TRPC5: variants seen among roughly 807,000 people sequenced by gnomAD.
The protein encoded by TRPC5 is transient receptor potential cation channel subfamily C member 5, also known as short transient receptor potential channel 5.
Under a neutral mutation model 56.5 loss-of-function variants are expected in TRPC5, and 9 were observed. That is an observed-to-expected ratio of 0.16 (90% CI 0.10 to 0.28). The LOEUF (loss-of-function observed/expected upper bound fraction) is 0.28. TRPC5 is among the 10% of genes least tolerant of loss of function. TRPC5 has a pLI of 1.00. For synonymous variants in TRPC5, 282 were observed against 278.5 expected, an observed-to-expected ratio of 1.01 and a Z score of -0.13; for missense variants, 469 against 748.9, an observed-to-expected ratio of 0.63 and a Z score of 4.36.
intron 7 of TRPC5, among the ~76,000 whole-genome samples, chrX:111,804,088 C>T (rs1277727261): frequency 1.8e-5 from 2 of 112,151 alleles, no homozygotes; most frequent in African/African-American, 3.2e-5. Context: ...GTTTTCCCAG[C>T]ACCATTTATT....
chrX:111,993,862 C>T (rs1305948089), intron 1 of TRPC5, among the ~76,000 whole-genome samples: 2 of 111,947 alleles, frequency 1.8e-5, no homozygotes, highest in African/African-American at 6.5e-5. Context: ...TGCCTGTTCA[C>T]TCTGATGGTA....
intron 7 of TRPC5, among the ~76,000 whole-genome samples, chrX:111,784,438 G>C (rs190167603): frequency 8.9e-6 from 1 of 111,897 alleles, no homozygotes; most frequent in East Asian, 2.8e-4. Context: ...GAATAATTAT[G>C]GGGGAGTGGG....
chrX:112,017,703 T>G (rs1929165935), intron 1 of TRPC5, among the ~76,000 whole-genome samples: 1 of 111,574 alleles, frequency 9.0e-6, no homozygotes, highest in Non-Finnish European at 1.9e-5. Flanking sequence ...GCGTCTGAAA[T>G]ACTTGTGTTT....
chrX:111,778,762 T>TA (rs1404471171), intron 10 of TRPC5, among the ~76,000 whole-genome samples: 4 of 111,922 alleles, frequency 3.6e-5, no homozygotes, highest in African/African-American at 1.3e-4. Context: ...AAAGAATGCA[T>TA]ACAGCAGATT....
chrX:111,895,039 G>C (rs1924998327), intron 3 of TRPC5, among the ~76,000 whole-genome samples: 1 of 111,567 alleles, frequency 9.0e-6, no homozygotes, highest in South Asian at 3.9e-4. Context: ...TACGCTCTTT[G>C]GTTATATACT....
chrX:111,868,230 G>A (rs551829719), intron 3 of TRPC5, among the ~76,000 whole-genome samples: 1 of 112,073 alleles, frequency 8.9e-6, no homozygotes, highest in South Asian at 3.8e-4. Flanking sequence ...TGGTCGTGGG[G>A]ATGGGCTTTT....
At chrX:111,905,129 C>T (rs1483342177) in intron 3 of TRPC5, among the ~76,000 whole-genome samples, 7 of 109,683 alleles carry the variant, frequency 6.4e-5, no homozygotes, top group Admixed American at 9.7e-5. Context: ...TAACTCTGAA[C>T]GTTATTAACC....
In TRPC5 at chrX:112,055,233, T is replaced by C. The variant is rs1461938290; in HGVS notation, c.-22+26646A>G. ...GAAACTTAGTGTAAGCACAAGAAAA[T>C]AATAAGGAAATGGCAGAGCTAATGC... On this transcript the variant is annotated intron_variant, in intron 1 of 10. Coordinates refer to ENST00000262839, the MANE Select transcript of TRPC5 (RefSeq NM_012471.3). Among the ~76,000 whole-genome samples the C allele has an allele frequency of 7.1e-5, 8 of 111,904 alleles. 1 individual carries two copies. The highest frequency in any genetic ancestry group is 1.3e-4 in the Non-Finnish European group (7 of 53,228).
At chrX:111,911,784 T>G (rs1925825855) in intron 3 of TRPC5, among the ~76,000 whole-genome samples, 1 of 112,179 alleles carries the variant, frequency 8.9e-6, no homozygotes, top group South Asian at 3.7e-4. Flanking sequence ...GCTAAGGGGC[T>G]GCCAGGGATT....
At chrX:112,050,505 G>A (rs898486739) in intron 1 of TRPC5, among the ~76,000 whole-genome samples, 7 of 112,587 alleles carry the variant, frequency 6.2e-5, no homozygotes, top group Admixed American at 1.9e-4. Flanking sequence ...GCGCACATGT[G>A]CATGGTCTTG....
rs779014345 is a variant in TRPC5, at chrX:111,768,014, C to T, written c.*8299G>A. Among the ~76,000 whole-genome samples, 1 of 111,394 alleles carries T rather than the reference C, an allele frequency of 9.0e-6. No homozygotes were observed. The highest frequency in any genetic ancestry group is 1.9e-5 in the Non-Finnish European group (1 of 52,992). ...TTAAAATCTGAGTTGTCACACATTT[C>T]AGGGGAAAAAAGTAAATACTTTATT... On this transcript the variant is annotated 3_prime_UTR_variant, in exon 11 of 11. Coordinates refer to ENST00000262839, the MANE Select transcript of TRPC5 (RefSeq NM_012471.3).
At chrX:111,902,112 A>G in intron 3 of TRPC5, 1 of 1,153,836 alleles carries the variant, frequency 8.7e-7, no homozygotes, top group Non-Finnish European at 1.1e-6. Flanking sequence ...GATATAGATC[A>G]GGCTATGTTA....
chrX:111,845,989 T>A (rs1425136611), intron 6 of TRPC5, among the ~76,000 whole-genome samples: 1 of 112,105 alleles, frequency 8.9e-6, no homozygotes, highest in East Asian at 2.8e-4. Context: ...TGAGCTGTGG[T>A]TTGTGAGAAT....
intron 6 of TRPC5, among the ~76,000 whole-genome samples, chrX:111,839,574 T>C (rs1489302329): frequency 1.8e-5 from 2 of 111,976 alleles, no homozygotes; most frequent in Non-Finnish European, 3.8e-5. Context: ...TCCCTCGATA[T>C]CTGCAAAGGG....
chrX:111,904,910 C>G (rs911353049), intron 3 of TRPC5, among the ~76,000 whole-genome samples: 1 of 110,509 alleles, frequency 9.0e-6, no homozygotes, highest in Non-Finnish European at 1.9e-5. Flanking sequence ...CTTTCTTATT[C>G]TACTTCATGC....
intron 1 of TRPC5, among the ~76,000 whole-genome samples, chrX:112,045,307 G>T (rs763799835): frequency 2.7e-5 from 3 of 111,640 alleles, no homozygotes; most frequent in East Asian, 5.6e-4. Flanking sequence ...AGACAGAAAT[G>T]GGAGTAATGT....
At chrX:111,945,168 G>A (rs1926901253) in intron 2 of TRPC5, among the ~76,000 whole-genome samples, 1 of 109,145 alleles carries the variant, frequency 9.2e-6, no homozygotes, top group South Asian at 4.0e-4. Flanking sequence ...ACACAGACGC[G>A]AGTCTCCTCT....
At position 111,973,869 on chromosome X, in the gene TRPC5, A is replaced by C. The variant is rs1459189952; in HGVS notation, c.-21-21428T>G. ...CTATTGTATTACATATGTTGTAGAA[A>C]TATTACATATGTTGTTAACTTGAAA... On this transcript the variant is annotated intron_variant, in intron 1 of 10. Coordinates refer to ENST00000262839, the MANE Select transcript of TRPC5 (RefSeq NM_012471.3). 2.7e-5 allele frequency among the ~76,000 whole-genome samples: 3 copies of C among 111,958 alleles called. No homozygotes were observed. The East Asian group carries it at 8.4e-4, about 31-fold the overall frequency.
At chrX:111,958,857 T>A (rs1366322526) in intron 1 of TRPC5, among the ~76,000 whole-genome samples, 2 of 112,164 alleles carry the variant, frequency 1.8e-5, no homozygotes, top group African/African-American at 3.2e-5. Flanking sequence ...AAAATTAACA[T>A]CCAATTTCTC....
Sources: allele counts gnomAD v4.1 joint callset (sites outside exome capture counted in the v4.1 genomes callset), GRCh38; gene constraint gnomAD v4.1.1; transcripts MANE v1.5; gene names NCBI Gene and HGNC (gene_info 2026-07-23, HGNC 2026-07-21).